Variants in SIK3 observed in about 807,000 individuals in gnomAD.
SIK3 encodes SIK family kinase 3.
Under a neutral mutation model 144.2 loss-of-function variants are expected in SIK3, and 28 were observed. The observed-to-expected ratio is 0.19, with a 90% CI of 0.14 to 0.27. The LOEUF (loss-of-function observed/expected upper bound fraction) is 0.27, where lower values mean the gene tolerates loss of function less well. Ranked by LOEUF, SIK3 falls within the 10% of genes least tolerant of loss-of-function variation. The probability of loss-of-function intolerance (pLI) is 1.00; values close to 1 mark genes in which losing one functional copy is unlikely to be tolerated. For missense variants in SIK3, 1,319 were observed against 1,776.0 expected, an observed-to-expected ratio of 0.74 and a Z score of 4.62; for synonymous variants, 686 against 676.3, an observed-to-expected ratio of 1.01 and a Z score of -0.22.
chr11:116,980,867 TAAAG>T (rs933479643), intron 1 of SIK3, among the ~76,000 whole-genome samples: 3 of 151,092 alleles, frequency 2.0e-5, no homozygotes, highest in African/African-American at 4.9e-5. Flanking sequence ...AAAAAAGAAA[TAAAG>T]AAAGAAAAAT....
chr11:116,953,103 A>AC (rs1565494576), intron 3 of SIK3, among the ~76,000 whole-genome samples: 27 of 151,366 alleles, frequency 1.8e-4, no homozygotes, highest in African/African-American at 6.5e-4. Context: ...TAAAAACACA[A>AC]ACACACACAC....
intron 3 of SIK3, among the ~76,000 whole-genome samples, chr11:116,928,780 A>C (rs182549499): frequency 5.0e-4 from 76 of 152,346 alleles, no homozygotes; most frequent in African/African-American, 1.6e-3. Flanking sequence ...CACTTTAAGA[A>C]CATATCTTAT....
At chr11:116,970,700 G>C (rs1489980973) in intron 1 of SIK3, among the ~76,000 whole-genome samples, 1 of 151,994 alleles carries the variant, frequency 6.6e-6, no homozygotes, top group African/African-American at 2.4e-5. Context: ...GACCACGCTG[G>C]AGTGCAATGA....
At chr11:116,907,629 A>G (rs560760449) in intron 4 of SIK3, among the ~76,000 whole-genome samples, 32 of 152,284 alleles carry the variant, frequency 2.1e-4, no homozygotes, top group African/African-American at 7.7e-4. Flanking sequence ...CCTGGGTGAC[A>G]AGAGCAAAAC....
chr11:117,098,082 G>C (rs7128071), intron 1 of SIK3, 61 bp downstream of exon 1: 1 of 1,262,274 alleles, frequency 7.9e-7, no homozygotes, highest in Admixed American at 3.9e-5. Flanking sequence ...CCCGGCTGGG[G>C]GGCGCGGACC....
chr11:117,053,712 T>A (rs1379596279), intron 1 of SIK3, among the ~76,000 whole-genome samples: 1 of 131,666 alleles, frequency 7.6e-6, no homozygotes, highest in Non-Finnish European at 1.6e-5. Flanking sequence ...TGGAGCACAA[T>A]CATGGCTCAC....
At chr11:117,005,409 T>C (rs1368971805) in intron 1 of SIK3, among the ~76,000 whole-genome samples, 3 of 139,636 alleles carry the variant, frequency 2.1e-5, no homozygotes, top group Admixed American at 7.2e-5. Context: ...AAGGAAAGCA[T>C]GGAGGTGGGA....
intron 6 of SIK3, among the ~76,000 whole-genome samples, chr11:116,880,164 CCA>C (rs1403020256): frequency 2.4e-4 from 37 of 152,120 alleles, no homozygotes; most frequent in Non-Finnish European, 5.9e-5. Flanking sequence ...AACAACACCA[CCA>C]CACACACAAC....
chr11:117,021,212 C>T (rs954412700), intron 1 of SIK3, among the ~76,000 whole-genome samples: 1 of 152,158 alleles, frequency 6.6e-6, no homozygotes, highest in Admixed American at 6.5e-5. Flanking sequence ...CACAGTCATT[C>T]GAGCAGTTTC....
chr11:116,935,508 T>C (rs1481825597), intron 3 of SIK3, among the ~76,000 whole-genome samples: 1 of 152,204 alleles, frequency 6.6e-6, no homozygotes, highest in Admixed American at 6.5e-5. Context: ...ATTTGTTTTC[T>C]TATGGCTTCT....
intron 4 of SIK3, among the ~76,000 whole-genome samples, chr11:116,903,471 C>G (rs1945846219): frequency 6.6e-6 from 1 of 152,084 alleles, no homozygotes; most frequent in Admixed American, 6.5e-5. Context: ...ATTGAAAGAT[C>G]ATCCAAGTTG....
At chr11:116,970,324 C>T (rs561003039) in intron 1 of SIK3, among the ~76,000 whole-genome samples, 1 of 152,184 alleles carries the variant, frequency 6.6e-6, no homozygotes, top group South Asian at 2.1e-4. Context: ...CTCACTGTGC[C>T]AATTCCTAAT....
rs1565378789 is a variant in SIK3 at position 116,863,788 on chromosome 11, G to A, written c.1983C>T (p.His661=). ...RSTYKDSNTL[H]LPTERFSPVR... ...CAGGGGAGAAACGCTCCGTAGGGAG[G>A]TGCAGAGTGTTGGAGTCCTTGTAGG... Residue 661 remains histidine, a synonymous_variant, in exon 16 of 25, where the codon CAC becomes CAT. Transcript: ENST00000445177. 1 of 1,613,890 alleles carries A rather than the reference G, an allele frequency of 6.2e-7. No homozygotes were observed. Among genetic ancestry groups the A allele is most frequent in the East Asian group, 2.2e-5 (1 of 44,884 alleles).
chr11:116,993,577 G>GA (rs1277578395), intron 1 of SIK3, among the ~76,000 whole-genome samples: 1 of 152,092 alleles, frequency 6.6e-6, no homozygotes, highest in Non-Finnish European at 1.5e-5. Flanking sequence ...TAGAGGAGCA[G>GA]ATATTTAGGA....
At chr11:116,893,067 A>G (rs73023063) in intron 6 of SIK3, among the ~76,000 whole-genome samples, 1,822 of 152,332 alleles carry the variant, frequency 0.012, 20 homozygotes, top group Non-Finnish European at 0.017. Context: ...AGAAATGGAT[A>G]AACAGGCAGA....
intron 16 of SIK3, among the ~76,000 whole-genome samples, chr11:116,862,961 C>A (rs2134436825): frequency 6.6e-6 from 1 of 152,178 alleles, no homozygotes; most frequent in South Asian, 2.1e-4. Flanking sequence ...GTAGTCCCAG[C>A]TACCCAGGAT....
At position 116,950,673 on chromosome 11, in the gene SIK3, G is replaced by T. The variant is rs570791575; in HGVS notation, c.454+3371C>A. On this transcript the variant is annotated intron_variant, in intron 3 of 24. Transcript: ENST00000445177. ...CCAAACTCTTCTGCTCAACTTACTG[G>T]AACACTTATTCTATGAAATGAAATG... is the stretch of plus-strand genomic sequence containing the variant. Among the ~76,000 whole-genome samples the T allele has an allele frequency of 7.7e-4, 118 of 152,270 alleles. 1 individual carries two copies. The highest frequency in any genetic ancestry group is 2.8e-3 in the African/African-American group (117 of 41,552).
At chr11:117,095,527 C>T (rs1443114731) in intron 1 of SIK3, among the ~76,000 whole-genome samples, 21 of 152,208 alleles carry the variant, frequency 1.4e-4, no homozygotes, top group Admixed American at 1.4e-3. Context: ...GAAGCAGCAG[C>T]TTCGGCAACT....
chr11:116,980,504 C>A (rs193140236), intron 1 of SIK3, among the ~76,000 whole-genome samples: 1 of 152,320 alleles, frequency 6.6e-6, no homozygotes, highest in East Asian at 1.9e-4. Context: ...GAATACTGTA[C>A]TGAAGTATAA....
Sources: gnomAD v4.1 joint callset for allele counts (sites outside exome capture counted in the v4.1 genomes callset) on GRCh38, gnomAD v4.1.1 for gene constraint, MANE v1.5 for transcripts, NCBI Gene and HGNC (gene_info 2026-07-23, HGNC 2026-07-21) for gene names.